Variants in ZNF83 observed in about 807,000 individuals in gnomAD.
The protein encoded by ZNF83 is zinc finger protein 83.
For synonymous variants in ZNF83, 209 were observed against 213.0 expected (o/e 0.98, Z 0.17); for missense variants, 552 against 629.9 (o/e 0.88, Z 1.32).
chr19:52,615,942 G>A (rs542964513), intron 2 of ZNF83, among the ~76,000 whole-genome samples: 2 of 152,266 alleles, frequency 1.3e-5, no homozygotes, highest in South Asian at 2.1e-4. Context: ...GAGTTCAAGC[G>A]ATTCTCCTGC....
intron 1 of ZNF83, among the ~76,000 whole-genome samples, chr19:52,684,117 C>T (rs1306675639): frequency 6.6e-6 from 1 of 152,092 alleles, no homozygotes; most frequent in African/African-American, 2.4e-5. Flanking sequence ...GCCTGTAATC[C>T]TAGCACTCTG....
At chr19:52,618,588 C>T (rs189739507) in intron 2 of ZNF83, 75 of 249,334 alleles carry the variant, frequency 3.0e-4, no homozygotes, top group Middle Eastern at 1.5e-3. Context: ...GTAGAGATGA[C>T]GTTTCGCCAT....
At chr19:52,613,539 C>T in exon 3 of ZNF83, 2 of 1,614,086 alleles carry the variant, frequency 1.2e-6, no homozygotes, top group Non-Finnish European at 1.7e-6. Context: ...TGTAAGGTTT[C>T]TCTCCAGTGT....
At chr19:52,631,622 A>G (rs1297239198) in intron 2 of ZNF83, among the ~76,000 whole-genome samples, 1 of 152,192 alleles carries the variant, frequency 6.6e-6, no homozygotes, top group African/African-American at 2.4e-5. Context: ...CCGGACTTCA[A>G]TCCGGCCTCC....
chr19:52,682,078 C>A (rs2061931576), intron 1 of ZNF83, among the ~76,000 whole-genome samples: 1 of 152,092 alleles, frequency 6.6e-6, no homozygotes, highest in Non-Finnish European at 1.5e-5. Flanking sequence ...GAATTCCCGA[C>A]CTCATGATTC....
At chr19:52,633,101 A>G (rs1202059336) in intron 2 of ZNF83, among the ~76,000 whole-genome samples, 1 of 152,152 alleles carries the variant, frequency 6.6e-6, no homozygotes, top group Non-Finnish European at 1.5e-5. Context: ...CTGCACATAC[A>G]CATCCAGATG....
At chr19:52,634,860 A>T (rs568411663) in intron 2 of ZNF83, among the ~76,000 whole-genome samples, 5 of 152,262 alleles carry the variant, frequency 3.3e-5, no homozygotes, top group African/African-American at 1.2e-4. Context: ...GACCATGCCC[A>T]GTGCAGCCTC....
In ZNF83 at chr19:52,645,788, CTGAG is replaced by C. The variant is rs1243552853; in HGVS notation, c.-74+9769_-74+9772del. Among the ~76,000 whole-genome samples, 8 of 144,896 alleles carry C rather than the reference CTGAG, an allele frequency of 5.5e-5. No homozygotes were observed. In the South Asian group the frequency reaches 6.7e-4, roughly 12 times the overall value. Reference sequence around the variant, plus strand: ...TGCCACTGCACTCCAGTGTGGGTGACTGAGTGAGATTCTGCCCCCCCCCAAAAAA... The same window carrying C: ...TGCCACTGCACTCCAGTGTGGGTGACTGAGATTCTGCCCCCCCCCAAAAAA... On this transcript the variant is annotated intron_variant, in intron 3 of 5. Transcript: ENST00000594682.
At position 52,625,674 on chromosome 19, in the gene ZNF83, T is replaced by A. The variant is rs369667222; in HGVS notation, c.-234+9392A>T. 2.6e-4 allele frequency among the ~76,000 whole-genome samples: 39 copies of A among 152,306 alleles called. 1 individual carries two copies. Among genetic ancestry groups the A allele is most frequent in the African/African-American group, 9.1e-4 (38 of 41,572 alleles). ...GCTTAGGAAAACATTTACCCTGTAT[T>A]TCACTCCATCCTTGGCTACCTTCCC... is the stretch of plus-strand genomic sequence containing the variant. On this transcript the variant is annotated intron_variant, in intron 2 of 2. Coordinates refer to ENST00000301096, the Ensembl canonical transcript of ZNF83.
intron 2 of ZNF83, among the ~76,000 whole-genome samples, chr19:52,626,448 G>T (rs1481384374): frequency 6.6e-6 from 1 of 152,126 alleles, no homozygotes; most frequent in African/African-American, 2.4e-5. Flanking sequence ...CTCAAGGATA[G>T]AGCCCAGAAA....
intron 1 of ZNF83, among the ~76,000 whole-genome samples, chr19:52,689,808 C>T (rs954400010): frequency 2.0e-5 from 3 of 152,208 alleles, no homozygotes; most frequent in African/African-American, 7.2e-5. Context: ...TGGAGTAAGA[C>T]GCCTGCATCC....
upstream of ZNF83, among the ~76,000 whole-genome samples, chr19:52,639,346 A>G (rs1484115664): frequency 6.6e-6 from 1 of 151,118 alleles, no homozygotes; most frequent in Non-Finnish European, 1.5e-5. Flanking sequence ...TCGGCCTCCC[A>G]AAGTGCTGGG....
intron 2 of ZNF83, among the ~76,000 whole-genome samples, chr19:52,627,635 A>C (rs1211249132): frequency 6.6e-6 from 1 of 152,194 alleles, no homozygotes; most frequent in African/African-American, 2.4e-5. Flanking sequence ...TGAGCAAAAG[A>C]GCAAAACTCA....
chr19:52,663,322 C>A (rs901281820), intron 1 of ZNF83, among the ~76,000 whole-genome samples: 7 of 152,046 alleles, frequency 4.6e-5, no homozygotes, highest in Non-Finnish European at 7.3e-5. Context: ...AATTGTGAAC[C>A]CCTAGCTATA....
At chr19:52,613,653 T>G in exon 3 of ZNF83, 1 of 1,611,800 alleles carries the variant, frequency 6.2e-7, no homozygotes, top group South Asian at 1.1e-5. Context: ...AGTGATTTAC[T>G]AGGGATGACT....
chr19:52,656,234 A>ATC (rs1568567284), intron 2 of ZNF83, among the ~76,000 whole-genome samples: 3 of 151,934 alleles, frequency 2.0e-5, no homozygotes, highest in African/African-American at 7.3e-5. Context: ...CTCTATATAT[A>ATC]TATATAGCCA....
chr19:52,621,282 C>CACTATCCCTCATCAT (rs1223569691), intron 2 of ZNF83, among the ~76,000 whole-genome samples: 2 of 152,126 alleles, frequency 1.3e-5, no homozygotes, highest in African/African-American at 4.8e-5. Context: ...CCAACTTTGT[C>CACTATCCCTCATCAT]ACTATCCCTC....
intron 3 of ZNF83, chr19:52,655,231 T>C: frequency 3.8e-6 from 1 of 261,686 alleles, no homozygotes; most frequent in South Asian, 8.4e-5. Flanking sequence ...TGGAAACACT[T>C]GTCAGTCACT....
At chr19:52,618,346 G>C (rs905566772) in intron 2 of ZNF83, among the ~76,000 whole-genome samples, 2 of 151,132 alleles carry the variant, frequency 1.3e-5, no homozygotes, top group Admixed American at 6.6e-5. Context: ...TGCAAGCTCC[G>C]TCCCCTGGGT....
Sources: allele counts gnomAD v4.1 joint callset (sites outside exome capture counted in the v4.1 genomes callset), GRCh38; gene constraint gnomAD v4.1.1; transcripts MANE v1.5; gene names NCBI Gene and HGNC (gene_info 2026-07-23, HGNC 2026-07-21).